The following IMMP2L variants were observed in gnomAD, a reference collection of about 807,000 sequenced individuals.
The protein encoded by IMMP2L is mitochondrial inner membrane protease subunit 2.
A neutral mutation model predicts 19.3 loss-of-function variants in IMMP2L; 18 were observed. The ratio of observed to expected loss-of-function variants is 0.93; its 90% CI spans 0.64 to 1.38. The LOEUF is 1.38. Ranked by LOEUF, IMMP2L falls within the 40% of genes most tolerant of loss-of-function variation. The pLI is 0.00. For missense variants in IMMP2L, 233 were observed against 218.2 expected (o/e 1.07, Z -0.43); for synonymous variants, 76 against 73.0 (o/e 1.04, Z -0.21).
At position 110,998,012 on chromosome 7, in the gene IMMP2L, G is replaced by A. The variant is rs139632227; in HGVS notation, c.240-34447C>T. ...GCTTTCCCCTCCCATATCTGCATACGGTTTATGTGGACTCTTTCCTTCCAT... is the reference window on the plus strand; with the variant it reads ...GCTTTCCCCTCCCATATCTGCATACAGTTTATGTGGACTCTTTCCTTCCAT... On this transcript the variant is annotated intron_variant, in intron 3 of 5. Transcript: ENST00000405709. Among the ~76,000 whole-genome samples, 297 of 152,058 alleles carry A rather than the reference G, an allele frequency of 2.0e-3. 2 individuals carry two copies. The highest frequency in any genetic ancestry group is 6.7e-3 in the African/African-American group (277 of 41,504).
intron 5 of IMMP2L, among the ~76,000 whole-genome samples, chr7:110,868,749 G>C (rs905017333): frequency 6.6e-6 from 1 of 152,008 alleles, no homozygotes; most frequent in Non-Finnish European, 1.5e-5. Flanking sequence ...ACTCCACTAA[G>C]CATTGTATCT....
chr7:111,311,014 C>T (rs767153221), intron 3 of IMMP2L, among the ~76,000 whole-genome samples: 7 of 152,214 alleles, frequency 4.6e-5, no homozygotes, highest in Admixed American at 3.3e-4. Context: ...TTAATAGCAG[C>T]GGTAATCTCT....
chr7:111,506,217 A>C (rs1054273984), intron 2 of IMMP2L, among the ~76,000 whole-genome samples: 1 of 150,250 alleles, frequency 6.7e-6, no homozygotes, highest in African/African-American at 2.4e-5. Flanking sequence ...AATAATAATA[A>C]TAATATAAAA....
chr7:110,799,955 C>T (rs948254654), intron 5 of IMMP2L, among the ~76,000 whole-genome samples: 12 of 151,992 alleles, frequency 7.9e-5, no homozygotes, highest in African/African-American at 2.9e-4. Context: ...AATTCATTTC[C>T]ATAAATGTTC....
chr7:111,084,377 C>T (rs11976211), intron 3 of IMMP2L, among the ~76,000 whole-genome samples: 110,353 of 150,070 alleles, frequency 0.74, 43,046 homozygotes, highest in Non-Finnish European at 0.86. Flanking sequence ...GCTTTAGACA[C>T]GTAGAGTACA....
intron 3 of IMMP2L, among the ~76,000 whole-genome samples, chr7:111,275,427 T>C (rs1191998637): frequency 6.6e-6 from 1 of 152,204 alleles, no homozygotes; most frequent in African/African-American, 2.4e-5. Flanking sequence ...AGCATTTCTA[T>C]ACTTGGGCTA....
At chr7:111,114,422 T>C (rs971640552) in intron 3 of IMMP2L, among the ~76,000 whole-genome samples, 4 of 152,096 alleles carry the variant, frequency 2.6e-5, no homozygotes, top group Admixed American at 2.6e-4. Context: ...TCCATCCAAG[T>C]ACATTGTATT....
At chr7:111,378,516 G>A (rs1307740286) in intron 3 of IMMP2L, among the ~76,000 whole-genome samples, 1 of 151,902 alleles carries the variant, frequency 6.6e-6, no homozygotes, top group African/African-American at 2.4e-5. Flanking sequence ...ATTCTATGAA[G>A]CAGGTATTGT....
intron 4 of IMMP2L, among the ~76,000 whole-genome samples, chr7:110,904,413 T>C (rs749920865): frequency 1.1e-4 from 16 of 152,232 alleles, no homozygotes; most frequent in Non-Finnish European, 1.8e-4. Context: ...TAATCCACTC[T>C]GAGTTGACTT....
chr7:111,502,181 C>T (rs1406418281), intron 2 of IMMP2L, among the ~76,000 whole-genome samples: 6 of 152,022 alleles, frequency 3.9e-5, no homozygotes, highest in East Asian at 3.9e-4. Context: ...TAGTCTCTGA[C>T]AAAACAGACT....
chr7:111,165,209 T>C (rs1436719140), intron 3 of IMMP2L, among the ~76,000 whole-genome samples: 1 of 152,084 alleles, frequency 6.6e-6, no homozygotes, highest in East Asian at 1.9e-4. Context: ...TCACTTGGCA[T>C]AATGGCCTGA....
intron 3 of IMMP2L, among the ~76,000 whole-genome samples, chr7:111,471,551 C>T (rs951211746): frequency 2.6e-5 from 4 of 151,736 alleles, no homozygotes; most frequent in Admixed American, 6.6e-5. Flanking sequence ...GACCTTATTT[C>T]GAAAAATGTA....
chr7:110,859,816 C>CT (rs1339050264), intron 5 of IMMP2L, among the ~76,000 whole-genome samples: 1 of 151,060 alleles, frequency 6.6e-6, no homozygotes, highest in Non-Finnish European at 1.5e-5. Context: ...AAATCTGTGT[C>CT]TTTTGTCAGG....
chr7:111,344,373 T>C (rs1189704843), intron 3 of IMMP2L, among the ~76,000 whole-genome samples: 1 of 152,186 alleles, frequency 6.6e-6, no homozygotes, highest in Non-Finnish European at 1.5e-5. Flanking sequence ...TGCTTCCTTT[T>C]CTTCCTTCAG....
chr7:111,143,222 T>C (rs997048888), intron 3 of IMMP2L, among the ~76,000 whole-genome samples: 1 of 152,222 alleles, frequency 6.6e-6, no homozygotes, highest in African/African-American at 2.4e-5. Flanking sequence ...CAGATAATTA[T>C]GATACTGTAT....
At chr7:111,550,095 TA>T (rs1198962660) in intron 1 of IMMP2L, among the ~76,000 whole-genome samples, 3 of 151,774 alleles carry the variant, frequency 2.0e-5, no homozygotes, top group Admixed American at 6.6e-5. Context: ...AATCTGACAC[TA>T]AAAAAAACTC....
In IMMP2L at chr7:111,024,941, A is replaced by C. The variant is rs58210706; in HGVS notation, c.240-61376T>G. On this transcript the variant is annotated intron_variant, in intron 3 of 5. Coordinates refer to ENST00000405709, the MANE Select transcript of IMMP2L (RefSeq NM_032549.4). ...AGAAAACAAGAGGCTTAATTAAGGG[A>C]GTATTGAAATCAGCATATTTTAGAG... Among the ~76,000 whole-genome samples the C allele has an allele frequency of 4.2e-3, 642 of 152,302 alleles. 4 individuals are homozygous for C. The highest frequency in any genetic ancestry group is 0.015 in the African/African-American group (618 of 41,554).
At chr7:111,219,563 A>C (rs1812303756) in intron 3 of IMMP2L, among the ~76,000 whole-genome samples, 1 of 152,026 alleles carries the variant, frequency 6.6e-6, no homozygotes, top group South Asian at 2.1e-4. Flanking sequence ...AAATTAAGTG[A>C]GTCTCTATTT....
chr7:111,196,556 C>CT (rs1164058046), intron 3 of IMMP2L, among the ~76,000 whole-genome samples: 1 of 151,984 alleles, frequency 6.6e-6, no homozygotes, highest in African/African-American at 2.4e-5. Context: ...ATAAAAGGGA[C>CT]TTTTTAAAAA....
Sources: gnomAD v4.1 joint callset for allele counts (sites outside exome capture counted in the v4.1 genomes callset) on GRCh38, gnomAD v4.1.1 for gene constraint, MANE v1.5 for transcripts, NCBI Gene and HGNC (gene_info 2026-07-23, HGNC 2026-07-21) for gene names.